Variants in NDC1 observed in about 807,000 individuals in gnomAD.
The protein encoded by NDC1 is NDC1 transmembrane nucleoporin, also known as nucleoporin NDC1.
In NDC1, 24 loss-of-function variants were observed where a neutral mutation model predicts 89.8. That is an observed-to-expected ratio of 0.27 (90% CI 0.19 to 0.38). The LOEUF (loss-of-function observed/expected upper bound fraction) is 0.38, where lower values mean the gene tolerates loss of function less well. Among genes scored for constraint, NDC1 ranks in the 10% least tolerant of loss-of-function variants. NDC1 has a pLI of 1.00. For synonymous variants in NDC1, 296 were observed against 284.8 expected (o/e 1.04, Z -0.39); for missense variants, 728 against 797.6 (o/e 0.91, Z 1.05).
At chr1:53,772,595 G>A (rs377368782) in intron 16 of NDC1, 106 bp from the exon 17 acceptor site, 14 of 1,014,158 alleles carry the variant, frequency 1.4e-5, no homozygotes, top group East Asian at 7.4e-5. Flanking sequence ...AGGACGAGGC[G>A]GGAGGACTGC....
rs139243750 is a variant in NDC1 at position 53,809,577 on chromosome 1, A to C, written c.755+118T>G. ...CCATATAAACTATATGTATTCAAAA[A>C]TGAATACAATTTTTAAAAAAATGTT... On this transcript the variant is annotated intron_variant, in intron 7 of 17. Coordinates refer to ENST00000371429, the MANE Select transcript of NDC1 (RefSeq NM_018087.5). The C allele has an allele frequency of 3.3e-4, 232 of 705,232 alleles. No homozygotes were observed. In the African/African-American group the frequency reaches 3.8e-3, roughly 11 times the overall value. The allele number at this position is 705,232 out of a possible 1,614,324, so 43.7% of individuals were successfully genotyped here. A position where few individuals can be genotyped will look rare whatever the true frequency, so the allele number is the denominator to read the frequency against.
At chr1:53,772,034 CT>C (rs1328238365) in intron 17 of NDC1, among the ~76,000 whole-genome samples, 1 of 152,012 alleles carries the variant, frequency 6.6e-6, no homozygotes, top group African/African-American at 2.4e-5. Flanking sequence ...GTTTTCTGCT[CT>C]TTTTTCTCCC....
In NDC1 at chr1:53,772,364, G is replaced by T; in HGVS notation, c.1926C>A (p.Ile642=). The T allele has an allele frequency of 1.2e-6, 2 of 1,613,778 alleles. No homozygotes were observed. Among genetic ancestry groups the T allele is most frequent in the South Asian group, 2.2e-5 (2 of 91,044 alleles). ...CACCAAATGTAGTAGTTATTCGATA[G>T]ATGGCAGTTTTCAGTGATGCTCTGA... The part of the protein sequence containing the change: ...FAFRASLKTA[I]YRITTTFGEH... The change falls in exon 17 of 18, where the codon ATC becomes ATA. Residue 642 remains isoleucine (I), a synonymous_variant. Transcript: ENST00000371429.
intron 8 of NDC1, among the ~76,000 whole-genome samples, chr1:53,807,444 A>G (rs2100664359): frequency 1.3e-5 from 2 of 152,152 alleles, no homozygotes; most frequent in South Asian, 4.2e-4. Context: ...TTTAATCTCC[A>G]AAAATTAAGT....
At chr1:53,837,524 C>T (rs1649274639) in intron 1 of NDC1, among the ~76,000 whole-genome samples, 1 of 151,960 alleles carries the variant, frequency 6.6e-6, no homozygotes, top group South Asian at 2.1e-4. Flanking sequence ...GAGCCGACAA[C>T]GCGCCATTGC....
Position 53,766,595 on chromosome 1 carries a change from A to G in NDC1, c.*1375T>C, listed in dbSNP as rs1164085946. ...CCACAGTGATATGCTCAAGGCCAGTAGCACCTATTTATAATTTGGCATGTA... is the reference window on the plus strand; with the variant it reads ...CCACAGTGATATGCTCAAGGCCAGTGGCACCTATTTATAATTTGGCATGTA... On this transcript the variant is annotated 3_prime_UTR_variant, in exon 18 of 18. Transcript: ENST00000371429. 18 of 152,252 alleles carry G rather than the reference A, an allele frequency of 1.2e-4. No homozygotes were observed. The allele number at this position is 152,252 out of a possible 1,614,324, so 9.4% of individuals were successfully genotyped here.
intron 6 of NDC1, among the ~76,000 whole-genome samples, chr1:53,816,651 A>C (rs893826007): frequency 1.3e-5 from 2 of 151,570 alleles, no homozygotes; most frequent in South Asian, 2.1e-4. Context: ...AAAACAAAAA[A>C]AAAAAAAACA....
At chr1:53,793,556 T>A (rs998320655) in intron 13 of NDC1, among the ~76,000 whole-genome samples, 2 of 152,166 alleles carry the variant, frequency 1.3e-5, no homozygotes, top group Admixed American at 1.3e-4. Flanking sequence ...ATTAATTAAT[T>A]CTAAGTGGTT....
chr1:53,822,751 A>G (rs1570229143), intron 5 of NDC1, among the ~76,000 whole-genome samples: 3 of 152,266 alleles, frequency 2.0e-5, no homozygotes, highest in Admixed American at 6.5e-5. Flanking sequence ...GATGATATAA[A>G]CATACTCAGA....
intron 3 of NDC1, among the ~76,000 whole-genome samples, chr1:53,831,655 G>A (rs1274297369): frequency 6.6e-6 from 1 of 151,386 alleles, no homozygotes; most frequent in African/African-American, 2.4e-5. Flanking sequence ...CCTGGCGACA[G>A]AGCGAGACTC....
chr1:53,832,669 G>T, intron 2 of NDC1, 78 bp from the exon 3 acceptor site: 1 of 699,510 alleles, frequency 1.4e-6, no homozygotes, highest in Non-Finnish European at 2.5e-6. Flanking sequence ...TATAAAAAGA[G>T]CTTGAACCAC....
At chr1:53,808,489 T>C (rs1267857120) in intron 7 of NDC1, among the ~76,000 whole-genome samples, 3 of 152,190 alleles carry the variant, frequency 2.0e-5, no homozygotes, top group African/African-American at 7.2e-5. Flanking sequence ...CTTAGTCCTA[T>C]TACAATTTTT....
At chr1:53,829,649 A>G (rs1484731552) in intron 3 of NDC1, among the ~76,000 whole-genome samples, 1 of 152,236 alleles carries the variant, frequency 6.6e-6, no homozygotes, top group Non-Finnish European at 1.5e-5. Context: ...TAGTAAATGC[A>G]TAAGGGATGG....
chr1:53,829,491 G>C (rs1169940925), intron 3 of NDC1, among the ~76,000 whole-genome samples: 5 of 152,160 alleles, frequency 3.3e-5, no homozygotes, highest in Non-Finnish European at 7.3e-5. Flanking sequence ...CCCCATGCTG[G>C]GGCAAGTGGT....
chr1:53,807,192 A>G (rs1281284697), intron 8 of NDC1, among the ~76,000 whole-genome samples: 1 of 138,516 alleles, frequency 7.2e-6, no homozygotes, highest in Non-Finnish European at 1.5e-5. Context: ...CGTTGCAGTG[A>G]GCCAAGATCA....
chr1:53,824,243 AAAAAAAAG>A (rs1283464467), intron 5 of NDC1, among the ~76,000 whole-genome samples: 1 of 147,388 alleles, frequency 6.8e-6, no homozygotes, highest in African/African-American at 2.4e-5. Flanking sequence ...CGAAAAAAAA[AAAAAAAAG>A]AAAAAAGAAA....
At chr1:53,773,848 T>C (rs1016834204) in intron 16 of NDC1, among the ~76,000 whole-genome samples, 1 of 152,174 alleles carries the variant, frequency 6.6e-6, no homozygotes, top group African/African-American at 2.4e-5. Context: ...CTACTCTCTC[T>C]TAAAGGATAA....
chr1:53,837,345 G>T (rs1266718945), intron 1 of NDC1, among the ~76,000 whole-genome samples: 2 of 152,220 alleles, frequency 1.3e-5, no homozygotes, highest in Non-Finnish European at 1.5e-5. Flanking sequence ...GACCGAGGCG[G>T]ATGACTCACT....
intron 16 of NDC1, among the ~76,000 whole-genome samples, chr1:53,780,791 C>T (rs1394983286): frequency 6.6e-6 from 1 of 151,964 alleles, no homozygotes; most frequent in African/African-American, 2.4e-5. Flanking sequence ...GTCATAGAAC[C>T]ACACACTAAA....
Sources: allele counts gnomAD v4.1 joint callset (sites outside exome capture counted in the v4.1 genomes callset), GRCh38; gene constraint gnomAD v4.1.1; transcripts MANE v1.5; gene names NCBI Gene and HGNC (gene_info 2026-07-23, HGNC 2026-07-21).